LHFPL6: variants seen among roughly 807,000 people sequenced by gnomAD.
The protein encoded by LHFPL6 is LHFPL tetraspan subfamily member 6.
LHFPL6 carries 9 observed loss-of-function variants against 20.6 expected under a neutral mutation model. The ratio of observed to expected loss-of-function variants is 0.44; its 90% CI spans 0.26 to 0.76. LHFPL6 has a LOEUF of 0.76. LHFPL6 is among the 30% of genes least tolerant of loss of function. The probability of loss-of-function intolerance (pLI) is 0.20; values close to 1 mark genes in which losing one functional copy is unlikely to be tolerated. For synonymous variants in LHFPL6, 105 were observed against 98.7 expected, an observed-to-expected ratio of 1.06 and a Z score of -0.38; for missense variants, 218 against 253.5, an observed-to-expected ratio of 0.86 and a Z score of 0.95.
At chr13:39,389,642 C>T (rs905303455) in intron 2 of LHFPL6, among the ~76,000 whole-genome samples, 4 of 152,090 alleles carry the variant, frequency 2.6e-5, no homozygotes, top group African/African-American at 4.8e-5. Context: ...ATCAGAGCAA[C>T]GCACACCAAT....
chr13:39,596,582 G>A (rs1872777156), intron 2 of LHFPL6, among the ~76,000 whole-genome samples: 1 of 151,864 alleles, frequency 6.6e-6, no homozygotes, highest in African/African-American at 2.4e-5. Context: ...AACTCACCTG[G>A]ACCTTCTATC....
chr13:39,430,685 C>T (rs957178561), intron 2 of LHFPL6, among the ~76,000 whole-genome samples: 2 of 152,002 alleles, frequency 1.3e-5, no homozygotes, highest in East Asian at 1.9e-4. Context: ...CAGCGCTCTG[C>T]GTCTAGCTAA....
At chr13:39,508,101 A>G (rs1389847526) in intron 2 of LHFPL6, among the ~76,000 whole-genome samples, 1 of 151,804 alleles carries the variant, frequency 6.6e-6, no homozygotes, top group Admixed American at 6.6e-5. Context: ...GCTCACTGCA[A>G]TCAATTTCCG....
intron 2 of LHFPL6, among the ~76,000 whole-genome samples, chr13:39,421,588 G>T (rs893705287): frequency 3.3e-5 from 5 of 152,108 alleles, no homozygotes; most frequent in South Asian, 2.1e-4. Flanking sequence ...ATTTCCAATT[G>T]AATATTCAAA....
chr13:39,362,717 C>T (rs1295432592), intron 3 of LHFPL6, among the ~76,000 whole-genome samples: 1 of 152,232 alleles, frequency 6.6e-6, no homozygotes, highest in African/African-American at 2.4e-5. Context: ...TTGGTTCCTG[C>T]CCTCTGGCCA....
chr13:39,430,717 G>A (rs186739099), intron 2 of LHFPL6, among the ~76,000 whole-genome samples: 157 of 151,906 alleles, frequency 1.0e-3, no homozygotes, highest in Admixed American at 7.7e-3. Context: ...CACATCAATC[G>A]GCACTCTGTA....
At chr13:39,436,415 AATAACTGAATT>A (rs1871958656) in intron 2 of LHFPL6, among the ~76,000 whole-genome samples, 1 of 152,238 alleles carries the variant, frequency 6.6e-6, no homozygotes, top group South Asian at 2.1e-4. Context: ...CAAACAAATG[AATAACTGAATT>A]ATATCATACA....
At chr13:39,485,239 C>T (rs1255174638) in intron 2 of LHFPL6, among the ~76,000 whole-genome samples, 1 of 152,124 alleles carries the variant, frequency 6.6e-6, no homozygotes, top group Non-Finnish European at 1.5e-5. Flanking sequence ...ATCTCATAGC[C>T]TGGATTATCA....
chr13:39,389,776 C>G (rs1030967869), intron 2 of LHFPL6, among the ~76,000 whole-genome samples: 1 of 152,170 alleles, frequency 6.6e-6, no homozygotes, highest in African/African-American at 2.4e-5. Flanking sequence ...AAATATCTCC[C>G]TCCTTAGTTT....
At chr13:39,416,095 T>A (rs1267189112) in intron 2 of LHFPL6, among the ~76,000 whole-genome samples, 1 of 152,192 alleles carries the variant, frequency 6.6e-6, no homozygotes, top group Non-Finnish European at 1.5e-5. Context: ...ACTGAGCAAA[T>A]GTAAATTGCA....
chr13:39,476,311 T>A (rs1325249633), intron 2 of LHFPL6, among the ~76,000 whole-genome samples: 1 of 152,220 alleles, frequency 6.6e-6, no homozygotes, highest in African/African-American at 2.4e-5. Context: ...ATTACAGGCA[T>A]GAGCAACCGC....
At chr13:39,359,187 T>C (rs1355622199) in intron 3 of LHFPL6, among the ~76,000 whole-genome samples, 6 of 151,904 alleles carry the variant, frequency 3.9e-5, no homozygotes, top group Admixed American at 1.3e-4. Context: ...AAAACATAGG[T>C]GTTGGCAGGA....
chr13:39,502,339 C>T (rs1311099248), intron 2 of LHFPL6, among the ~76,000 whole-genome samples: 1 of 152,098 alleles, frequency 6.6e-6, no homozygotes, highest in African/African-American at 2.4e-5. Context: ...CACATTTTGG[C>T]CAGGCACAAT....
chr13:39,562,653 C>T (rs554365069), intron 2 of LHFPL6, among the ~76,000 whole-genome samples: 3 of 125,372 alleles, frequency 2.4e-5, no homozygotes, highest in Admixed American at 8.1e-5. Flanking sequence ...TATATACACA[C>T]ATATACACAT....
chr13:39,574,067 C>T (rs2138532897), intron 2 of LHFPL6, among the ~76,000 whole-genome samples: 1 of 152,278 alleles, frequency 6.6e-6, no homozygotes, highest in South Asian at 2.1e-4. Context: ...GATTTTGACG[C>T]ACCTGATCCA....
At chr13:39,560,774 C>T (rs1871453699) in intron 2 of LHFPL6, among the ~76,000 whole-genome samples, 1 of 152,122 alleles carries the variant, frequency 6.6e-6, no homozygotes, top group Non-Finnish European at 1.5e-5. Flanking sequence ...CTCGGCCTCC[C>T]AAAGTGCTAG....
At chr13:39,359,705 C>T (rs577921846) in intron 3 of LHFPL6, among the ~76,000 whole-genome samples, 1 of 152,162 alleles carries the variant, frequency 6.6e-6, no homozygotes, top group South Asian at 2.1e-4. Context: ...CGGATTCAAT[C>T]ATACTCCAAA....
intron 2 of LHFPL6, among the ~76,000 whole-genome samples, chr13:39,576,211 C>T (rs1372562638): frequency 6.6e-6 from 1 of 152,144 alleles, no homozygotes; most frequent in Admixed American, 6.5e-5. Flanking sequence ...AGAGTTCATA[C>T]AGACTAGGTT....
At chr13:39,481,487 C>A (rs1247751984) in intron 2 of LHFPL6, among the ~76,000 whole-genome samples, 3 of 152,154 alleles carry the variant, frequency 2.0e-5, no homozygotes, top group African/African-American at 2.4e-5. Flanking sequence ...AATGGAAAGT[C>A]ATTGTGAGGT....
Sources: gnomAD v4.1 joint callset for allele counts (sites outside exome capture counted in the v4.1 genomes callset) on GRCh38, gnomAD v4.1.1 for gene constraint, MANE v1.5 for transcripts, NCBI Gene and HGNC (gene_info 2026-07-23, HGNC 2026-07-21) for gene names.